Variants in USH2A observed in about 807,000 individuals in gnomAD.
USH2A encodes usherin, also known as Usher syndrome 2A (autosomal recessive, mild).
A neutral mutation model predicts 538.9 loss-of-function variants in USH2A; 443 were observed. That is an observed-to-expected ratio of 0.82 (90% CI 0.76 to 0.89). The LOEUF (loss-of-function observed/expected upper bound fraction) is 0.89. USH2A is among the 40% of genes least tolerant of loss of function. The pLI, the probability that USH2A is intolerant of heterozygous loss-of-function variation, is 0.00. For synonymous variants in USH2A, 2,413 were observed against 2,273.5 expected (o/e 1.06, Z -1.75); for missense variants, 6,633 against 6,324.8 (o/e 1.05, Z -1.65).
chr1:216,403,460 C>T (rs566063255), intron 3 of USH2A, among the ~76,000 whole-genome samples: 1 of 152,140 alleles, frequency 6.6e-6, no homozygotes, highest in South Asian at 2.1e-4. Flanking sequence ...ATAAAAACTA[C>T]ATATTGGAAA....
chr1:215,799,138 G>A lies in USH2A; in HGVS notation c.9740-13C>T. On this transcript the variant is annotated splice_polypyrimidine_tract_variant and intron_variant, in intron 49 of 71. Coordinates refer to ENST00000307340, the MANE Select transcript of USH2A (RefSeq NM_206933.4). ...CAGCATACTTCACCTGTCAATTTAG[G>A]ACAATAATAATCATTACATCAGTTA... is the stretch of plus-strand genomic sequence containing the variant. The A allele has an allele frequency of 6.2e-7, 1 of 1,610,200 alleles. No homozygotes were observed. Among genetic ancestry groups the A allele is most frequent in the Middle Eastern group, 1.7e-4 (1 of 6,038 alleles).
rs149472516 is a variant in USH2A, at chr1:216,390,156, T to C, written c.652-25071A>G. Reference sequence around the variant, plus strand: ...TGAATTGTTTGATATCTTAAAACCATAGATTCTAGGAAATATGGAAATGTG... The same window carrying C: ...TGAATTGTTTGATATCTTAAAACCACAGATTCTAGGAAATATGGAAATGTG... On this transcript the variant is annotated intron_variant, in intron 3 of 71. Transcript: ENST00000307340. 2.9e-3 allele frequency among the ~76,000 whole-genome samples: 436 copies of C among 152,270 alleles called. 3 individuals carry two copies. The highest frequency in any genetic ancestry group is 0.01 in the African/African-American group (417 of 41,570).
At chr1:216,394,770 G>C (rs1255974680) in intron 3 of USH2A, among the ~76,000 whole-genome samples, 2 of 124,672 alleles carry the variant, frequency 1.6e-5, no homozygotes, top group Non-Finnish European at 3.2e-5. Context: ...CCAGGCTGGA[G>C]TGCAGTGGCG....
Position 216,199,902 on chromosome 1 carries a change from A to G in USH2A, c.3536T>C (p.Ile1179Thr), listed in dbSNP as rs560279665. Reference protein sequence around the residue: ...WTTLSNQSGPIEKYILSCAPL... With the variant: ...WTTLSNQSGPTEKYILSCAPL... ...GGCACAGGACAAAATATATTTCTCTATGGGACCAGATTGATTTGAGAGTGT... is the reference window on the plus strand; with the variant it reads ...GGCACAGGACAAAATATATTTCTCTGTGGGACCAGATTGATTTGAGAGTGT... Residue 1179 changes from isoleucine to threonine, a missense_variant, in exon 17 of 72, where the codon ATA becomes ACA. Ile to Thr is a moderately conservative substitution (Grantham distance 89). Coordinates refer to ENST00000307340, the MANE Select transcript of USH2A (RefSeq NM_206933.4). 6 of 1,614,106 alleles carry G rather than the reference A, an allele frequency of 3.7e-6. No individual in the cohort carries two copies. Among genetic ancestry groups the G allele is most frequent in the African/African-American group, 1.3e-5 (1 of 75,040 alleles).
intron 21 of USH2A, among the ~76,000 whole-genome samples, chr1:216,101,716 T>G (rs552557360): frequency 6.6e-6 from 1 of 152,352 alleles, no homozygotes; most frequent in African/African-American, 2.4e-5. Flanking sequence ...TTTCAAAAAA[T>G]GAGACAGGAA....
intron 55 of USH2A, among the ~76,000 whole-genome samples, chr1:215,768,981 G>A (rs539224851): frequency 6.6e-6 from 1 of 152,158 alleles, no homozygotes; most frequent in East Asian, 1.9e-4. Context: ...CATAAGGATT[G>A]CAGGGATATG....
At chr1:216,300,522 T>A (rs1356169917) in intron 9 of USH2A, among the ~76,000 whole-genome samples, 1 of 152,192 alleles carries the variant, frequency 6.6e-6, no homozygotes, top group South Asian at 2.1e-4. Flanking sequence ...TGTTCAGGTA[T>A]GAAAATCATT....
At chr1:215,712,281 G>A (rs1659358329) in intron 61 of USH2A, among the ~76,000 whole-genome samples, 1 of 152,232 alleles carries the variant, frequency 6.6e-6, no homozygotes, top group African/African-American at 2.4e-5. Flanking sequence ...TAGGTAAGGA[G>A]GATGATAGCA....
At chr1:216,267,456 G>A (rs2102575742) in intron 11 of USH2A, among the ~76,000 whole-genome samples, 1 of 152,180 alleles carries the variant, frequency 6.6e-6, no homozygotes, top group Admixed American at 6.6e-5. Flanking sequence ...CATCGCCACA[G>A]AAGAAATTGT....
chr1:216,323,431 A>T (rs375259829), intron 8 of USH2A, 43 bp downstream of exon 8: 3 of 1,591,930 alleles, frequency 1.9e-6, no homozygotes, highest in Non-Finnish European at 2.6e-6. Flanking sequence ...TAAGACAGTA[A>T]GTATGACAAA....
chr1:215,794,213 C>T (rs1466153819), intron 50 of USH2A, among the ~76,000 whole-genome samples: 1 of 152,154 alleles, frequency 6.6e-6, no homozygotes, highest in African/African-American at 2.4e-5. Flanking sequence ...TTATAAAATA[C>T]ATATTGACAA....
intron 64 of USH2A, among the ~76,000 whole-genome samples, chr1:215,669,096 T>C (rs1657725990): frequency 6.6e-6 from 1 of 152,104 alleles, no homozygotes; most frequent in African/African-American, 2.4e-5. Context: ...CCACAGATCA[T>C]GTGACCAGAA....
chr1:215,817,932 TCTC>T (rs1439476238), intron 47 of USH2A, among the ~76,000 whole-genome samples: 3 of 151,930 alleles, frequency 2.0e-5, no homozygotes, highest in African/African-American at 7.2e-5. Flanking sequence ...TCCTCTTTCT[TCTC>T]CTACTTAGCT....
intron 21 of USH2A, among the ~76,000 whole-genome samples, chr1:216,156,092 C>A (rs1438854999): frequency 6.6e-6 from 1 of 151,872 alleles, no homozygotes; most frequent in African/African-American, 2.4e-5. Flanking sequence ...CATGATCTGG[C>A]CCCTTTTTTA....
Position 216,048,546 on chromosome 1 carries a change from T to C in USH2A, c.6151A>G (p.Thr2051Ala). Reference sequence around the variant, plus strand: ...GAAATTACTTTACCTTCTTGTGGAGTAGAGATGTTCAATGCATGTGAGCTC... The same window carrying C: ...GAAATTACTTTACCTTCTTGTGGAGCAGAGATGTTCAATGCATGTGAGCTC... ...TESSHALNIS[T>A]PQEAPQEVQP... The change falls in exon 31 of 72, where the codon ACT (threonine) becomes GCT (alanine). Residue 2051 changes from threonine (T) to alanine (A), a missense_variant. Coordinates refer to ENST00000307340, the MANE Select transcript of USH2A (RefSeq NM_206933.4). 6.2e-7 allele frequency: 1 copy of C among 1,613,688 alleles called. No homozygotes were observed.
At chr1:215,909,974 T>C (rs1184005546) in intron 38 of USH2A, among the ~76,000 whole-genome samples, 2 of 151,936 alleles carry the variant, frequency 1.3e-5, no homozygotes, top group Admixed American at 1.3e-4. Context: ...TAGAAGGCCA[T>C]TGACTACGGG....
intron 37 of USH2A, among the ~76,000 whole-genome samples, chr1:215,952,020 G>A (rs936033827): frequency 1.3e-5 from 2 of 150,326 alleles, no homozygotes; most frequent in East Asian, 2.0e-4. Context: ...GCCCGCCACC[G>A]CGCCCGGCTA....
At chr1:215,672,307 C>T (rs1382932503) in intron 63 of USH2A, among the ~76,000 whole-genome samples, 2 of 152,156 alleles carry the variant, frequency 1.3e-5, no homozygotes, top group Admixed American at 6.5e-5. Context: ...TACCTCCCCT[C>T]TTTGCTCTTT....
chr1:216,302,368 C>T (rs2037232342), intron 9 of USH2A, among the ~76,000 whole-genome samples: 1 of 152,088 alleles, frequency 6.6e-6, no homozygotes, highest in Non-Finnish European at 1.5e-5. Flanking sequence ...AATACTTCAC[C>T]TGTGAATTTT....
Sources: gnomAD v4.1 joint callset for allele counts (sites outside exome capture counted in the v4.1 genomes callset) on GRCh38, gnomAD v4.1.1 for gene constraint, MANE v1.5 for transcripts, NCBI Gene and HGNC (gene_info 2026-07-23, HGNC 2026-07-21) for gene names.